The following TPR variants were observed in gnomAD, a reference collection of about 807,000 sequenced individuals.
TPR encodes the protein nucleoprotein TPR.
In TPR, 51 loss-of-function variants were observed where a neutral mutation model predicts 316.1. The ratio of observed to expected loss-of-function variants is 0.16; its 90% confidence interval spans 0.13 to 0.20. TPR has a LOEUF of 0.20. TPR is among the 10% of genes least tolerant of loss of function. The probability of loss-of-function intolerance (pLI) is 1.00; values close to 1 mark genes in which losing one functional copy is unlikely to be tolerated. For missense variants in TPR, 2,272 were observed against 2,754.8 expected (o/e 0.82, Z 3.92); for synonymous variants, 981 against 914.7 (o/e 1.07, Z -1.31).
chr1:186,370,640 A>T (rs1659493621), intron 3 of TPR, among the ~76,000 whole-genome samples: 1 of 152,150 alleles, frequency 6.6e-6, no homozygotes, highest in African/African-American at 2.4e-5. Context: ...CTGTGATCAT[A>T]TTCAAACTGT....
intron 33 of TPR, 76 bp from the exon 34 acceptor site, chr1:186,335,619 C>A (rs988244669): frequency 8.4e-7 from 1 of 1,187,772 alleles, no homozygotes; most frequent in Non-Finnish European, 1.2e-6. Context: ...TTAATTGGCA[C>A]ATGGTCACAT....
At chr1:186,358,326 TACA>T (rs1407563250) in intron 13 of TPR, among the ~76,000 whole-genome samples, 2 of 152,148 alleles carry the variant, frequency 1.3e-5, no homozygotes, top group Non-Finnish European at 2.9e-5. Context: ...CTTCATTTAT[TACA>T]ACCAACACGT....
chr1:186,356,605 T>C, intron 14 of TPR, 156 bp from the exon 15 acceptor site: 1 of 660,996 alleles, frequency 1.5e-6, no homozygotes, highest in South Asian at 2.4e-5. Flanking sequence ...ATGAACTACT[T>C]TTTAAATCCC....
At chr1:186,356,515 T>C (rs908947895) in intron 14 of TPR, 66 bp from the exon 15 acceptor site, 4 of 1,432,012 alleles carry the variant, frequency 2.8e-6, no homozygotes, top group African/African-American at 1.4e-5. Context: ...ATTTCTACTG[T>C]AATTAACCAA....
At chr1:186,351,112 G>C (rs1658849295) in intron 20 of TPR, among the ~76,000 whole-genome samples, 1 of 152,006 alleles carries the variant, frequency 6.6e-6, no homozygotes, top group South Asian at 2.1e-4. Flanking sequence ...AGCTCAAGAA[G>C]ATTTAAAGGA....
chr1:186,357,731 G>A, intron 13 of TPR, 108 bp from the exon 14 acceptor site: 4 of 850,256 alleles, frequency 4.7e-6, no homozygotes, highest in Non-Finnish European at 7.0e-6. Flanking sequence ...CCTTCAACTT[G>A]TACTGCCTCA....
At position 186,344,528 on chromosome 1, in the gene TPR, C is replaced by A; in HGVS notation, c.3264G>T (p.Leu1088=). The change falls in exon 25 of 51, where the codon CTG becomes CTT. Residue 1088 remains leucine (L), a synonymous_variant. Coordinates refer to ENST00000367478, the MANE Select transcript of TPR (RefSeq NM_003292.3). ...GTAGAGCTTCAACATCAGCAGCATG[C>A]AGCATCAATTCTCTCTCATACTTAT... is the stretch of plus-strand genomic sequence containing the variant. ...AQNKYERELM[L]HAADVEALQA... is the part of the protein sequence containing the mutation. The A allele has an allele frequency of 6.2e-7, 1 of 1,611,350 alleles. No individual in the cohort carries two copies.
intron 50 of TPR, chr1:186,314,266 T>C (rs1657502730): frequency 2.2e-6 from 1 of 459,564 alleles, no homozygotes; most frequent in Non-Finnish European, 3.8e-6. Flanking sequence ...TTTTACTAGC[T>C]AAAACATAAT....
intron 13 of TPR, 36 bp downstream of exon 13, chr1:186,358,507 T>A (rs1291806645): frequency 6.4e-7 from 1 of 1,558,198 alleles, no homozygotes. Flanking sequence ...GCAGTCAGGT[T>A]TTTAAAAGTA....
At chr1:186,370,940 A>G in intron 3 of TPR, 30 bp downstream of exon 3, 3 of 1,570,822 alleles carry the variant, frequency 1.9e-6, no homozygotes, top group Non-Finnish European at 2.6e-6. Context: ...AAATGTCTAC[A>G]ATGAGCTTAT....
intron 22 of TPR, among the ~76,000 whole-genome samples, chr1:186,346,757 A>T (rs923172589): frequency 1.3e-5 from 2 of 152,190 alleles, no homozygotes; most frequent in African/African-American, 4.8e-5. Context: ...AAATCTGATT[A>T]TGACATGTTA....
chr1:186,322,797 AT>A (rs1657808203), intron 43 of TPR: 11 of 539,934 alleles, frequency 2.0e-5, no homozygotes, highest in Non-Finnish European at 3.3e-5. Context: ...AATAAAAATC[AT>A]TCTATTAACC....
intron 6 of TPR, 68 bp downstream of exon 6, chr1:186,362,769 T>C: frequency 7.3e-7 from 1 of 1,366,496 alleles, no homozygotes; most frequent in Non-Finnish European, 9.9e-7. Context: ...TGAATACATA[T>C]TTAATAAACT....
intron 4 of TPR, among the ~76,000 whole-genome samples, chr1:186,367,576 T>G (rs1659388239): frequency 6.6e-6 from 1 of 152,252 alleles, no homozygotes; most frequent in Non-Finnish European, 1.5e-5. Flanking sequence ...GTTCAGCCTT[T>G]GCAAATATTT....
At chr1:186,349,599 G>A (rs1571624233) in intron 21 of TPR, among the ~76,000 whole-genome samples, 1 of 151,456 alleles carries the variant, frequency 6.6e-6, no homozygotes, top group Admixed American at 6.6e-5. Context: ...GGCGGAGCTT[G>A]CAGTGAGCCG....
chr1:186,316,983 AT>A (rs1220428786), intron 49 of TPR, among the ~76,000 whole-genome samples: 1 of 152,228 alleles, frequency 6.6e-6, no homozygotes, highest in African/African-American at 2.4e-5. Context: ...ACATCAGTAA[AT>A]TTCAAACAAT....
intron 33 of TPR, among the ~76,000 whole-genome samples, chr1:186,336,112 A>C (rs1299228134): frequency 2.0e-5 from 3 of 152,092 alleles, no homozygotes; most frequent in Admixed American, 2.0e-4. Context: ...GGGGTCCTCC[A>C]CCAAACGAGG....
rs138476168 is a variant in TPR at position 186,371,536 on chromosome 1, C to T, written c.257-493G>A. Among the ~76,000 whole-genome samples the T allele has an allele frequency of 1.6e-4, 24 of 152,188 alleles. No individual in the cohort carries two copies. The East Asian group carries it at 4.2e-3, about 27-fold the overall frequency. The stretch of plus-strand genomic sequence containing the variant: ...AAAGAAAAAACATTATGCTTGATAA[C>T]GCACTTATCAATCTCTCAATTGCCA... On this transcript the variant is annotated intron_variant, in intron 2 of 50. Coordinates refer to ENST00000367478, the MANE Select transcript of TPR (RefSeq NM_003292.3).
intron 4 of TPR, among the ~76,000 whole-genome samples, chr1:186,366,438 T>G (rs564480967): frequency 6.6e-6 from 1 of 152,296 alleles, no homozygotes; most frequent in Non-Finnish European, 1.5e-5. Flanking sequence ...CAATCTACTG[T>G]GTATGTTATT....
Sources: allele counts gnomAD v4.1 joint callset (sites outside exome capture counted in the v4.1 genomes callset), GRCh38; gene constraint gnomAD v4.1.1; transcripts MANE v1.5; gene names NCBI Gene and HGNC (gene_info 2026-07-23, HGNC 2026-07-21).